CSMD1: variants seen among roughly 807,000 people sequenced by gnomAD.
CSMD1 encodes the protein CUB and Sushi multiple domains 1.
In CSMD1, 213 loss-of-function variants were observed where a neutral mutation model predicts 417.5. That is an observed-to-expected ratio of 0.51 (90% CI 0.46 to 0.57). CSMD1 has a LOEUF of 0.57. CSMD1 is among the 20% of genes least tolerant of loss of function. The probability of loss-of-function intolerance (pLI) is 0.00; values close to 1 mark genes in which losing one functional copy is unlikely to be tolerated. For missense variants in CSMD1, 6,923 were observed against 4,529.7 expected (o/e 1.53, Z -15.17); for synonymous variants, 2,862 against 1,736.8 (o/e 1.65, Z -16.11).
chr8:3,320,093 G>A (rs529059317), intron 23 of CSMD1, among the ~76,000 whole-genome samples: 5 of 152,278 alleles, frequency 3.3e-5, no homozygotes, highest in Middle Eastern at 3.4e-3. Flanking sequence ...AGCGCACACA[G>A]AAGACATGCT....
intron 11 of CSMD1, among the ~76,000 whole-genome samples, chr8:3,471,454 T>A (rs1275539304): frequency 6.6e-6 from 1 of 152,180 alleles, no homozygotes; most frequent in Admixed American, 6.5e-5. Context: ...CAGGGCTTTC[T>A]ATATATCAAG....
At chr8:3,475,876 A>T (rs1817377379) in intron 11 of CSMD1, among the ~76,000 whole-genome samples, 1 of 152,256 alleles carries the variant, frequency 6.6e-6, no homozygotes, top group Admixed American at 6.5e-5. Context: ...TTTCCAATGC[A>T]AATGTGTCAG....
chr8:3,172,086 T>G (rs563571102), intron 37 of CSMD1, among the ~76,000 whole-genome samples: 4 of 152,334 alleles, frequency 2.6e-5, no homozygotes, highest in East Asian at 3.9e-4. Context: ...GCTCCTTGCC[T>G]GTCTCAGAAC....
chr8:4,467,050 A>G (rs1253805163), intron 2 of CSMD1, among the ~76,000 whole-genome samples: 1 of 151,846 alleles, frequency 6.6e-6, no homozygotes, highest in Admixed American at 6.6e-5. Context: ...TCATGGCAGA[A>G]CAATTAAAAG....
intron 3 of CSMD1, among the ~76,000 whole-genome samples, chr8:4,111,390 A>T (rs1232532790): frequency 6.6e-6 from 1 of 152,170 alleles, no homozygotes; most frequent in Non-Finnish European, 1.5e-5. Flanking sequence ...AAACAGTATT[A>T]AAAAAGTATG....
At chr8:4,221,023 C>A (rs1379734003) in intron 3 of CSMD1, among the ~76,000 whole-genome samples, 2 of 152,066 alleles carry the variant, frequency 1.3e-5, no homozygotes, top group Non-Finnish European at 2.9e-5. Flanking sequence ...CAGGAGGAGG[C>A]CAGTGATTGT....
chr8:4,994,631 C>T lies in CSMD1; in HGVS notation c.-215G>A, dbSNP rs913894805. On this transcript the variant is annotated 5_prime_UTR_variant, in exon 1 of 70. Coordinates refer to ENST00000635120, the MANE Select transcript of CSMD1 (RefSeq NM_033225.6). ...CCCGAGCCACTGCAGGGCTGAGCTG[C>T]TCCGAGCGCGGAGACCCGGGCTGGC... 1 of 477,908 alleles carries T rather than the reference C, an allele frequency of 2.1e-6. No individual in the cohort carries two copies. The highest frequency in any genetic ancestry group is 2.1e-5 in the African/African-American group (1 of 48,756). The allele number at this position is 477,908 out of a possible 1,614,324, so 29.6% of individuals were successfully genotyped here.
At position 2,942,592 on chromosome 8, in the gene CSMD1, G is replaced by T. The variant is rs1801955961; in HGVS notation, c.10415C>A (p.Pro3472Gln). Residue 3472 changes from proline to glutamine, a missense_variant, in exon 69 of 70, where the codon CCA becomes CAA. Coordinates refer to ENST00000635120, the MANE Select transcript of CSMD1 (RefSeq NM_033225.6). ...GTAATGACTGGAAGAGTCTTGATCTGGGTTTAAAGGATCTGTAAGATAAAG... is the reference window on the plus strand; with the variant it reads ...GTAATGACTGGAAGAGTCTTGATCTTGGTTTAAAGGATCTGTAAGATAAAG... ...FKLERQDPLN[P>Q]DQDSSSHYHG... is the part of the protein sequence containing the mutation. 4 of 1,587,186 alleles carry T rather than the reference G, an allele frequency of 2.5e-6. No individual in the cohort carries two copies. The highest frequency in any genetic ancestry group is 3.3e-4 in the Middle Eastern group (2 of 6,012).
intron 6 of CSMD1, among the ~76,000 whole-genome samples, chr8:3,742,968 G>C (rs145086894): frequency 2.0e-5 from 3 of 152,282 alleles, no homozygotes; most frequent in Non-Finnish European, 2.9e-5. Flanking sequence ...ACGAGGCACA[G>C]ACTACACAAC....
intron 52 of CSMD1, among the ~76,000 whole-genome samples, chr8:3,011,873 C>T (rs906582208): frequency 2.0e-5 from 3 of 152,206 alleles, no homozygotes; most frequent in African/African-American, 7.2e-5. Context: ...AAGCAAACTA[C>T]CGCAGAGAAG....
At chr8:3,552,551 A>G (rs1798963138) in intron 10 of CSMD1, among the ~76,000 whole-genome samples, 1 of 152,306 alleles carries the variant, frequency 6.6e-6, no homozygotes, top group Admixed American at 6.5e-5. Flanking sequence ...TAGCCAAGAT[A>G]AACATAAGGT....
intron 3 of CSMD1, among the ~76,000 whole-genome samples, chr8:4,233,447 G>A (rs998337227): frequency 6.6e-6 from 1 of 152,192 alleles, no homozygotes; most frequent in East Asian, 1.9e-4. Flanking sequence ...ATGGTATTTG[G>A]AGATGGGACC....
At chr8:4,099,380 ACCT>A (rs1343198673) in intron 3 of CSMD1, among the ~76,000 whole-genome samples, 1 of 152,004 alleles carries the variant, frequency 6.6e-6, no homozygotes, top group Non-Finnish European at 1.5e-5. Flanking sequence ...ATCACGCCTC[ACCT>A]CCTATCGCTT....
intron 1 of CSMD1, among the ~76,000 whole-genome samples, chr8:4,743,825 C>T (rs1810779081): frequency 6.6e-6 from 1 of 152,154 alleles, no homozygotes; most frequent in African/African-American, 2.4e-5. Context: ...CTCTTTATCG[C>T]AAAAGCAAGC....
At chr8:4,622,228 G>C (rs1801823174) in intron 2 of CSMD1, among the ~76,000 whole-genome samples, 1 of 151,346 alleles carries the variant, frequency 6.6e-6, no homozygotes, top group South Asian at 2.1e-4. Flanking sequence ...TGGAGGCTCA[G>C]GCAGAGTACT....
chr8:4,853,772 G>C (rs1801624762), intron 1 of CSMD1, among the ~76,000 whole-genome samples: 1 of 152,146 alleles, frequency 6.6e-6, no homozygotes, highest in African/African-American at 2.4e-5. Flanking sequence ...TCCAGCACAT[G>C]AAAGCAGCCA....
At chr8:3,776,553 G>C (rs896969493) in intron 5 of CSMD1, among the ~76,000 whole-genome samples, 3 of 152,118 alleles carry the variant, frequency 2.0e-5, no homozygotes, top group African/African-American at 7.2e-5. Flanking sequence ...TAGAATGCCA[G>C]ATATTCTCAA....
In CSMD1 at chr8:4,709,192, G is replaced by A. The variant is rs10105216; in HGVS notation, c.86-71634C>T. 3.9e-5 allele frequency among the ~76,000 whole-genome samples: 6 copies of A among 152,178 alleles called. No individual in the cohort carries two copies. In the South Asian group the frequency reaches 8.3e-4, roughly 21 times the overall value. On this transcript the variant is annotated intron_variant, in intron 1 of 69. Transcript: ENST00000635120. The stretch of plus-strand genomic sequence containing the variant: ...TTGATGCATAGCTCAGCTCACAATC[G>A]AGAGAGAGGAATTCCTCGATGGTAG...
At chr8:3,107,864 C>CA in intron 44 of CSMD1, 66 bp from the exon 45 acceptor site, 1 of 992,436 alleles carries the variant, frequency 1.0e-6, no homozygotes, top group Admixed American at 2.4e-5. Context: ...ACAACTATTA[C>CA]AAAACATTCA....
Sources: gnomAD v4.1 joint callset for allele counts (sites outside exome capture counted in the v4.1 genomes callset) on GRCh38, gnomAD v4.1.1 for gene constraint, MANE v1.5 for transcripts, NCBI Gene and HGNC (gene_info 2026-07-23, HGNC 2026-07-21) for gene names.